Variants in A2M observed in about 807,000 individuals in gnomAD.
A2M encodes the protein alpha-2-macroglobulin.
A neutral mutation model predicts 183.9 loss-of-function variants in A2M; 128 were observed. The ratio of observed to expected loss-of-function variants is 0.70; its 90% CI spans 0.60 to 0.81. A2M has a LOEUF of 0.81. Ranked by LOEUF, A2M falls within the 30% of genes least tolerant of loss-of-function variation. The probability of loss-of-function intolerance (pLI) is 0.00; values close to 1 mark genes in which losing one functional copy is unlikely to be tolerated. For synonymous variants in A2M, 592 were observed against 670.8 expected (o/e 0.88, Z 1.81); for missense variants, 1,495 against 1,787.6 (o/e 0.84, Z 2.95).
chr12:9,079,100 G>T, intron 25 of A2M, 144 bp downstream of exon 25: 1 of 599,382 alleles, frequency 1.7e-6, no homozygotes, highest in Non-Finnish European at 2.8e-6. Context: ...TGATTACCTT[G>T]CTAATCTTGG....
At chr12:9,099,308 T>A in intron 14 of A2M, 73 bp downstream of exon 14, 3 of 1,417,266 alleles carry the variant, frequency 2.1e-6, no homozygotes, top group Non-Finnish European at 2.9e-6. Flanking sequence ...AATGTTCACA[T>A]GTGTAAAACA....
chr12:9,082,670 A>C (rs958800943), intron 22 of A2M, among the ~76,000 whole-genome samples: 1 of 152,260 alleles, frequency 6.6e-6, no homozygotes, highest in Non-Finnish European at 1.5e-5. Context: ...TGACACCTCC[A>C]AAAGAAACTG....
intron 17 of A2M, among the ~76,000 whole-genome samples, chr12:9,094,455 T>G (rs1335140171): frequency 6.6e-6 from 1 of 150,446 alleles, no homozygotes; most frequent in Non-Finnish European, 1.5e-5. Context: ...AAATATGCGG[T>G]AGGCTTCATA....
Position 9,074,770 on chromosome 12 carries a change from A to G in A2M, c.3546T>C (p.His1182=), listed in dbSNP as rs746573282. ...EEAVKKDNSV[H]WERPQKPKAP... ...CCTTGGGTTTCTGAGGGCGCTCCCA[A>G]TGGACAGAGTTGTCTTAAAGATGAG... Residue 1182 remains histidine, a synonymous_variant, in exon 29 of 36, where the codon CAT becomes CAC. Transcript: ENST00000318602. 6.2e-7 allele frequency: 1 copy of G among 1,612,636 alleles called. No individual in the cohort carries two copies. Among genetic ancestry groups the G allele is most frequent in the Non-Finnish European group, 8.5e-7 (1 of 1,179,370 alleles).
chr12:9,106,822 C>T (rs1026623716), intron 8 of A2M, among the ~76,000 whole-genome samples: 1 of 151,940 alleles, frequency 6.6e-6, no homozygotes, highest in African/African-American at 2.4e-5. Flanking sequence ...CTGAAATTCC[C>T]TAGATATATT....
In A2M at chr12:9,106,492, T is replaced by C. The variant is rs1413966268; in HGVS notation, c.993A>G (p.Thr331=). The change falls in exon 9 of 36, where the codon ACA becomes ACG. Residue 331 remains threonine (T), a splice_region_variant and synonymous_variant. Coordinates refer to ENST00000318602, the MANE Select transcript of A2M (RefSeq NM_000014.6). ...HTEAQIQEEG[T]VVELTGRQSS... is the part of the protein sequence containing the mutation. ...CTTATACCCATGTAGTACACAAACC[T>C]GTTCCTTCTTCTTGGATCTGGGCCT... is the stretch of plus-strand genomic sequence containing the variant. The C allele has an allele frequency of 6.3e-7, 1 of 1,581,650 alleles. No homozygotes were observed. Among genetic ancestry groups the C allele is most frequent in the South Asian group, 1.1e-5 (1 of 87,928 alleles).
At chr12:9,092,388 T>C (rs1380392337) in intron 18 of A2M, among the ~76,000 whole-genome samples, 1 of 152,106 alleles carries the variant, frequency 6.6e-6, no homozygotes, top group Non-Finnish European at 1.5e-5. Context: ...AATAGGCCTT[T>C]GAGCAATGCC....
chr12:9,101,185 A>T lies in A2M; in HGVS notation c.1517T>A (p.Val506Asp). The change falls in exon 13 of 36, where the codon GTC becomes GAC. Residue 506 changes from valine (V) to aspartate (D), a missense_variant. Val to Asp is a radical substitution (Grantham distance 152, BLOSUM62 -3). Transcript: ENST00000318602. ...YYLIMAKGGI[V>D]RTGTHGLLVK... ...AAGCAGTCCATGAGTCCCAGTTCGGACAATGCCTCCCTTTGCCATTATCTG... is the reference window on the plus strand; with the variant it reads ...AAGCAGTCCATGAGTCCCAGTTCGGTCAATGCCTCCCTTTGCCATTATCTG... 6.4e-7 allele frequency: 1 copy of T among 1,561,400 alleles called. No homozygotes were observed. Among genetic ancestry groups the T allele is most frequent in the South Asian group, 1.2e-5 (1 of 84,452 alleles).
At chr12:9,095,746 T>TC in intron 15 of A2M, 46 bp from the exon 16 acceptor site, 1 of 1,065,668 alleles carries the variant, frequency 9.4e-7, no homozygotes, top group Non-Finnish European at 1.2e-6. Context: ...TTGTGACTTT[T>TC]TTTTTTTTTT....
Position 9,072,859 on chromosome 12 carries a change from C to A in A2M, c.3769G>T (p.Ala1257Ser). The change falls in exon 30 of 36, where the codon GCT (alanine) becomes TCT (serine). Residue 1257 changes from alanine to serine, a missense_variant. Coordinates refer to ENST00000318602, the MANE Select transcript of A2M (RefSeq NM_000014.6). ...CCATATTTGGACAGAGCATGGAGAG[C>A]CACCACTGTGTCCTGTTAGAGACAG... is the stretch of plus-strand genomic sequence containing the variant. ...GFSSTQDTVVALHALSKYGAA... is the reference protein window; with the variant it reads ...GFSSTQDTVVSLHALSKYGAA... 6.2e-7 allele frequency: 1 copy of A among 1,613,774 alleles called. No individual in the cohort carries two copies. The highest frequency in any genetic ancestry group is 8.5e-7 in the Non-Finnish European group (1 of 1,179,816).
At chr12:9,109,472 T>C in intron 6 of A2M, 67 bp from the exon 7 acceptor site, 1 of 1,252,328 alleles carries the variant, frequency 8.0e-7, no homozygotes. Flanking sequence ...TATTTTCAGG[T>C]TCCCTGTAAC....
chr12:9,076,246 T>C (rs1480971928), intron 28 of A2M, among the ~76,000 whole-genome samples: 1 of 152,234 alleles, frequency 6.6e-6, no homozygotes, highest in South Asian at 2.1e-4. Context: ...ACTAGTACTT[T>C]TATAGGATTT....
At chr12:9,110,362 A>G in intron 4 of A2M, 28 bp from the exon 5 acceptor site, 1 of 1,350,508 alleles carries the variant, frequency 7.4e-7, no homozygotes, top group Non-Finnish European at 9.9e-7. Context: ...AAAGAAGTTT[A>G]TAATTATTTT....
chr12:9,099,313 A>G, intron 14 of A2M, 68 bp downstream of exon 14: 1 of 1,462,830 alleles, frequency 6.8e-7, no homozygotes, highest in Non-Finnish European at 9.4e-7. Context: ...TCACATGTGT[A>G]AAACAAATGA....
intron 32 of A2M, 21 bp from the exon 33 acceptor site, chr12:9,069,834 A>T: frequency 6.2e-7 from 1 of 1,610,802 alleles, no homozygotes; most frequent in Non-Finnish European, 8.5e-7. Context: ...TTGAAATACC[A>T]CAAATGTTAA....
chr12:9,077,772 A>G lies in A2M; in HGVS notation c.3205T>C (p.Trp1069Arg), dbSNP rs372977791. 1.2e-6 allele frequency: 2 copies of G among 1,614,208 alleles called. No individual in the cohort carries two copies. The highest frequency in any genetic ancestry group is 1.7e-6 in the Non-Finnish European group (2 of 1,180,026). Residue 1069 changes from tryptophan to arginine, a missense_variant, in exon 26 of 36, where the codon TGG (tryptophan) becomes CGG (arginine). By Grantham distance (101) the Trp-to-Arg change is moderately radical. Coordinates refer to ENST00000318602, the MANE Select transcript of A2M (RefSeq NM_000014.6). Reference sequence around the variant, plus strand: ...TTGTCCTTCTGCCTCTGGGAGAGCCATATGAGGGCTTGGGTAATGTGTGCT... The same window carrying G: ...TTGTCCTTCTGCCTCTGGGAGAGCCGTATGAGGGCTTGGGTAATGTGTGCT... ...DEAHITQALI[W>R]LSQRQKDNGC...
intron 31 of A2M, among the ~76,000 whole-genome samples, chr12:9,071,500 G>A (rs1459421980): frequency 3.9e-5 from 6 of 152,060 alleles, no homozygotes. Context: ...AGGTAAACTC[G>A]TGTCATGGGG....
chr12:9,074,369 C>T (rs1290037267), intron 29 of A2M, among the ~76,000 whole-genome samples, 191 bp downstream of exon 29: 2 of 152,172 alleles, frequency 1.3e-5, no homozygotes, highest in South Asian at 2.1e-4. Flanking sequence ...TGCCGGGATT[C>T]TGAGCATTTC....
chr12:9,114,549 C>A (rs992907409), intron 1 of A2M, among the ~76,000 whole-genome samples: 1 of 151,870 alleles, frequency 6.6e-6, no homozygotes, highest in African/African-American at 2.4e-5. Flanking sequence ...TATTTAATAT[C>A]TTTCTCTTCT....
Sources: gnomAD v4.1 joint callset for allele counts (sites outside exome capture counted in the v4.1 genomes callset) on GRCh38, gnomAD v4.1.1 for gene constraint, MANE v1.5 for transcripts, NCBI Gene and HGNC (gene_info 2026-07-23, HGNC 2026-07-21) for gene names.